The following SMG6 variants were observed in gnomAD, a reference collection of about 807,000 sequenced individuals.
SMG6 encodes telomerase-binding protein EST1A.
SMG6 carries 66 observed loss-of-function variants against 142.2 expected under a neutral mutation model. That is an observed-to-expected ratio of 0.46 (90% CI 0.38 to 0.57). SMG6 has a LOEUF of 0.57. SMG6 is among the 20% of genes least tolerant of loss of function. The pLI is 0.00. For missense variants in SMG6, 1,793 were observed against 1,832.0 expected, an observed-to-expected ratio of 0.98 and a Z score of 0.39; for synonymous variants, 779 against 702.4, an observed-to-expected ratio of 1.11 and a Z score of -1.72.
rs553432194 is a variant in SMG6, at chr17:2,061,697, GA to G, written c.4130-76del. 7.5e-5 allele frequency: 112 copies of G among 1,495,768 alleles called. No homozygotes were observed. In the African/African-American group the frequency reaches 1.4e-3, roughly 18 times the overall value. The allele number at this position is 1,495,768 out of a possible 1,614,324, so 92.7% of individuals were successfully genotyped here. A position where few individuals can be genotyped will look rare whatever the true frequency, so the allele number is the denominator to read the frequency against. ...GGCTGGCTGCTCTTCTCACCCTGGA[GA>G]ATGTGGTCCTGGGGAGGGGGTGCCA... On this transcript the variant is annotated intron_variant, in intron 18 of 18. Transcript: ENST00000263073.
chr17:2,155,428 T>C (rs2151610355), intron 13 of SMG6, among the ~76,000 whole-genome samples: 1 of 152,298 alleles, frequency 6.6e-6, no homozygotes, highest in East Asian at 1.9e-4. Context: ...AAAATAAAGT[T>C]TCTCTTCATG....
intron 13 of SMG6, among the ~76,000 whole-genome samples, chr17:2,118,368 G>A (rs890713923): frequency 1.5e-4 from 23 of 152,166 alleles, no homozygotes; most frequent in African/African-American, 5.3e-4. Flanking sequence ...ATGAAACCCC[G>A]TCTCTACTAA....
chr17:2,230,238 G>C (rs1283447142), intron 10 of SMG6, among the ~76,000 whole-genome samples: 1 of 29,420 alleles, frequency 3.4e-5, no homozygotes, highest in African/African-American at 1.3e-4. Flanking sequence ...GAAAGGAAAA[G>C]AAAAGTGTCC....
At chr17:2,296,765 G>A (rs1304695875) in intron 4 of SMG6, among the ~76,000 whole-genome samples, 1 of 152,080 alleles carries the variant, frequency 6.6e-6, no homozygotes, top group Non-Finnish European at 1.5e-5. Context: ...AGGCTGAGGC[G>A]GGTGGCTCAC....
At chr17:2,082,791 C>A (rs576407193) in intron 14 of SMG6, among the ~76,000 whole-genome samples, 33 of 152,328 alleles carry the variant, frequency 2.2e-4, no homozygotes, top group Non-Finnish European at 4.1e-4. Context: ...CTTTGAGGGA[C>A]AGGGTTAGCA....
chr17:2,072,103 T>C (rs1426957978), intron 15 of SMG6: 1 of 152,198 alleles, frequency 6.6e-6, no homozygotes, highest in East Asian at 1.9e-4. Flanking sequence ...AGGGGAAGCA[T>C]GCCGCTGCAG....
At chr17:2,218,044 G>A (rs1481476244) in intron 10 of SMG6, among the ~76,000 whole-genome samples, 2 of 150,928 alleles carry the variant, frequency 1.3e-5, no homozygotes, top group African/African-American at 4.9e-5. Flanking sequence ...AAAAAACAAT[G>A]AAAAGGACCA....
chr17:2,065,014 G>C, intron 18 of SMG6, 59 bp downstream of exon 18: 1 of 1,334,958 alleles, frequency 7.5e-7, no homozygotes, highest in Non-Finnish European at 1.1e-6. Flanking sequence ...GGCTGAGGAT[G>C]GGTAGGATGA....
At chr17:2,165,411 C>T (rs1036011960) in intron 13 of SMG6, among the ~76,000 whole-genome samples, 2 of 152,254 alleles carry the variant, frequency 1.3e-5, no homozygotes, top group Non-Finnish European at 2.9e-5. Flanking sequence ...CCCCTTCCCA[C>T]TCCCTTGAGG....
chr17:2,199,882 G>A (rs1163955589), intron 10 of SMG6: 1 of 151,894 alleles, frequency 6.6e-6, no homozygotes, highest in Non-Finnish European at 1.5e-5. Flanking sequence ...ACTCCAGCTT[G>A]GGTAAGAGAG....
chr17:2,097,826 A>T (rs1288284039), intron 13 of SMG6, among the ~76,000 whole-genome samples: 1 of 152,116 alleles, frequency 6.6e-6, no homozygotes, highest in African/African-American at 2.4e-5. Context: ...ACTAAGACTA[A>T]AGTGTCTCCC....
At chr17:2,198,970 A>G (rs1474132753) in intron 10 of SMG6, among the ~76,000 whole-genome samples, 1 of 150,494 alleles carries the variant, frequency 6.6e-6, no homozygotes, top group Non-Finnish European at 1.5e-5. Flanking sequence ...AAAAAAAAAA[A>G]AAAAGAAAAG....
intron 13 of SMG6, among the ~76,000 whole-genome samples, chr17:2,094,180 G>C (rs541896040): frequency 6.6e-6 from 1 of 152,184 alleles, no homozygotes; most frequent in Admixed American, 6.5e-5. Context: ...GTGGGGTACG[G>C]GCGGTGGCTC....
chr17:2,106,878 C>T (rs181650128), intron 13 of SMG6, among the ~76,000 whole-genome samples: 1 of 149,484 alleles, frequency 6.7e-6, no homozygotes, highest in East Asian at 2.0e-4. Context: ...GGCTGGAATG[C>T]AATTGTGCGA....
chr17:2,272,452 T>C (rs904467636), intron 8 of SMG6, among the ~76,000 whole-genome samples: 1 of 152,224 alleles, frequency 6.6e-6, no homozygotes, highest in Non-Finnish European at 1.5e-5. Context: ...TCATTGTTCA[T>C]GGATTTTGCA....
intron 18 of SMG6, 53 bp downstream of exon 18, chr17:2,065,020 G>C (rs897009340): frequency 3.6e-6 from 5 of 1,402,084 alleles, no homozygotes; most frequent in Admixed American, 3.4e-5. Flanking sequence ...GGATGGGTAG[G>C]ATGAGGTAGG....
At chr17:2,188,561 T>G (rs1270188163) in intron 10 of SMG6, 46 bp from the exon 11 acceptor site, 2 of 1,521,346 alleles carry the variant, frequency 1.3e-6, no homozygotes, top group African/African-American at 2.8e-5. Context: ...GCGGACAAGA[T>G]GCACATCACT....
intron 13 of SMG6, chr17:2,087,910 G>T: frequency 1.0e-6 from 1 of 985,840 alleles, no homozygotes; most frequent in Non-Finnish European, 1.2e-6. Context: ...TCAGCCACCT[G>T]ACCCCACTAT....
intron 13 of SMG6, among the ~76,000 whole-genome samples, chr17:2,154,171 G>A (rs2070927641): frequency 7.0e-6 from 1 of 143,468 alleles, no homozygotes; most frequent in African/African-American, 2.6e-5. Context: ...GAGGATGCAC[G>A]TAGAGTGTGA....
Sources: gnomAD v4.1 joint callset for allele counts (sites outside exome capture counted in the v4.1 genomes callset) on GRCh38, gnomAD v4.1.1 for gene constraint, MANE v1.5 for transcripts, NCBI Gene and HGNC (gene_info 2026-07-23, HGNC 2026-07-21) for gene names.